The following SYNRG variants were observed in gnomAD, a reference collection of about 807,000 sequenced individuals.
SYNRG encodes synergin gamma.
Under a neutral mutation model 130.9 loss-of-function variants are expected in SYNRG, and 37 were observed. The ratio of observed to expected loss-of-function variants is 0.28; its 90% CI spans 0.22 to 0.37. The LOEUF (loss-of-function observed/expected upper bound fraction) is 0.37, where lower values mean the gene tolerates loss of function less well. SYNRG is among the 10% of genes least tolerant of loss of function. The pLI is 1.00. For synonymous variants in SYNRG, 539 were observed against 568.1 expected, an observed-to-expected ratio of 0.95 and a Z score of 0.73; for missense variants, 1,338 against 1,588.9, an observed-to-expected ratio of 0.84 and a Z score of 2.68.
At chr17:37,523,900 A>AGGATGTT (rs2055479406) in intron 19 of SYNRG, among the ~76,000 whole-genome samples, 1 of 152,254 alleles carries the variant, frequency 6.6e-6, no homozygotes, top group South Asian at 2.1e-4. Context: ...ACAGGAACAC[A>AGGATGTT]GTAAAAGAGA....
rs1289928870 is a variant in SYNRG, at chr17:37,540,365, A to T, written c.3366+15T>A. 3 of 1,611,990 alleles carry T rather than the reference A, an allele frequency of 1.9e-6. No individual in the cohort carries two copies. Among genetic ancestry groups the T allele is most frequent in the Non-Finnish European group, 2.5e-6 (3 of 1,179,402 alleles). On this transcript the variant is annotated intron_variant, in intron 16 of 21. Coordinates refer to ENST00000612223, the MANE Select transcript of SYNRG (RefSeq NM_007247.6). ...TGGTCTGTTACCCACCCCTTGTAGA[A>T]AGCTCTCCTCTCACCTCCACCTCTC...
chr17:37,597,962 C>G (rs2062923408), intron 2 of SYNRG, among the ~76,000 whole-genome samples: 1 of 152,092 alleles, frequency 6.6e-6, no homozygotes, highest in Non-Finnish European at 1.5e-5. Flanking sequence ...TTTTGTGTAC[C>G]TCCCAGGTTA....
At chr17:37,587,129 T>C (rs1390921949) in intron 3 of SYNRG, among the ~76,000 whole-genome samples, 1 of 152,092 alleles carries the variant, frequency 6.6e-6, no homozygotes, top group African/African-American at 2.4e-5. Flanking sequence ...AATAACACAA[T>C]AGCTAATCAC....
chr17:37,559,312 T>G (rs531376990), intron 13 of SYNRG, among the ~76,000 whole-genome samples: 1 of 152,280 alleles, frequency 6.6e-6, no homozygotes, highest in Admixed American at 6.5e-5. Context: ...ATATTTTCTT[T>G]CTAGATCATG....
At chr17:37,609,233 GC>G in intron 1 of SYNRG, 45 bp downstream of exon 1, 1 of 1,387,946 alleles carries the variant, frequency 7.2e-7, no homozygotes, top group Non-Finnish European at 9.3e-7. Flanking sequence ...GCCCCTCGCC[GC>G]CCCCGCGGAG....
rs1302749026 is a variant in SYNRG, at chr17:37,571,983, G to A, written c.906C>T (p.Ala302=). 1.2e-6 allele frequency: 2 copies of A among 1,609,500 alleles called. No homozygotes were observed. The highest frequency in any genetic ancestry group is 1.7e-5 in the Admixed American group (1 of 58,888). The change falls in exon 9 of 22, where the codon GCC becomes GCT. Residue 302 remains alanine (A), a synonymous_variant. Coordinates refer to ENST00000612223, the MANE Select transcript of SYNRG (RefSeq NM_007247.6). The stretch of plus-strand genomic sequence containing the variant: ...TTGTGGTTTCTAAGATTTTCTTATA[G>A]GCATCTATTAAAGGAAAGACCAGAT... ...WIYNESLVPD[A]YKKILETTMT... is the part of the protein sequence containing the mutation.
At chr17:37,549,119 G>C (rs934212500) in intron 14 of SYNRG, among the ~76,000 whole-genome samples, 1 of 102,804 alleles carries the variant, frequency 9.7e-6, no homozygotes, top group African/African-American at 3.8e-5. Flanking sequence ...TGGGCAACAA[G>C]AAACCTGGTC....
Position 37,553,259 on chromosome 17 carries a change from T to C in SYNRG, c.2464A>G (p.Ser822Gly). Residue 822 changes from serine to glycine, a missense_variant, in exon 14 of 22, where the codon AGT (serine) becomes GGT (glycine). Around this residue, in one of 3 missense-constraint regions of SYNRG, gnomAD observed 1,146 missense variants for 1,342.3 expected, o/e 0.85. Coordinates refer to ENST00000612223, the MANE Select transcript of SYNRG (RefSeq NM_007247.6). ...SLDLPSIGGS[S>G]VGKEDSEDAL... is the part of the protein sequence containing the mutation. ...TCTTCAGAGTCCTCCTTGCCAACAC[T>C]GCTGCCACCAATGGAAGGGAGATCT... is the stretch of plus-strand genomic sequence containing the variant. The C allele has an allele frequency of 6.2e-7, 1 of 1,613,938 alleles. No individual in the cohort carries two copies. Among genetic ancestry groups the C allele is most frequent in the Non-Finnish European group, 8.5e-7 (1 of 1,179,980 alleles).
At position 37,518,070 on chromosome 17, in the gene SYNRG, C is replaced by T. The variant is rs1163486242; in HGVS notation, c.*870G>A. ...TTCTCACAGATACTGCAAAGTCAGG[C>T]AGTGTTGGTCCCTATGCAGTCATCT... On this transcript the variant is annotated 3_prime_UTR_variant, in exon 22 of 22. Coordinates refer to ENST00000612223, the MANE Select transcript of SYNRG (RefSeq NM_007247.6). The T allele has an allele frequency of 6.6e-6, 1 of 152,188 alleles. No individual in the cohort carries two copies. Among genetic ancestry groups the T allele is most frequent in the Non-Finnish European group, 1.5e-5 (1 of 68,042 alleles). The allele number at this position is 152,188 out of a possible 1,614,324, so 9.4% of individuals were successfully genotyped here. A position where few individuals can be genotyped will look rare whatever the true frequency, so the allele number is the denominator to read the frequency against.
At chr17:37,600,467 A>G in intron 1 of SYNRG, 64 bp from the exon 2 acceptor site, 1 of 1,510,332 alleles carries the variant, frequency 6.6e-7, no homozygotes. Flanking sequence ...TAACACGTGT[A>G]CTTTTTTATA....
intron 11 of SYNRG, chr17:37,566,918 T>G (rs1442122761): frequency 6.6e-6 from 1 of 152,180 alleles, no homozygotes; most frequent in Non-Finnish European, 1.5e-5. Flanking sequence ...CATGAATAAT[T>G]GTCTTCAGAT....
chr17:37,609,325 C>T lies in SYNRG; in HGVS notation c.31G>A (p.Gly11Ser). The change falls in exon 1 of 22, where the codon GGC becomes AGC. Residue 11 changes from glycine to serine, a missense_variant. Gly to Ser is a moderately conservative substitution (Grantham distance 56). This residue lies in a region of SYNRG where 184 missense variants were observed against 217.2 expected (regional missense o/e 0.85). Coordinates refer to ENST00000612223, the MANE Select transcript of SYNRG (RefSeq NM_007247.6). MALRPGAGSG[G>S]GGAAGAGAGS... Reference sequence around the variant, plus strand: ...GCGCCAGCTCCCGCGGCCCCGCCGCCACCAGAACCAGCTCCTGGCCGCAGC... The same window carrying T: ...GCGCCAGCTCCCGCGGCCCCGCCGCTACCAGAACCAGCTCCTGGCCGCAGC... 6.8e-7 allele frequency: 1 copy of T among 1,469,986 alleles called. No homozygotes were observed. The highest frequency in any genetic ancestry group is 8.9e-7 in the Non-Finnish European group (1 of 1,117,458). 91.1% of individuals were successfully genotyped at this position (1,469,986 alleles called of 1,614,324 possible). A position where few individuals can be genotyped will look rare whatever the true frequency, so the allele number is the denominator to read the frequency against.
At chr17:37,578,226 G>C (rs572339293) in intron 6 of SYNRG, among the ~76,000 whole-genome samples, 48 of 152,014 alleles carry the variant, frequency 3.2e-4, no homozygotes, top group African/African-American at 1.2e-3. Flanking sequence ...AGCTACTTGG[G>C]AGGCTGAGGC....
chr17:37,526,600 G>C (rs907715502), intron 19 of SYNRG, among the ~76,000 whole-genome samples: 7 of 152,166 alleles, frequency 4.6e-5, no homozygotes, highest in Non-Finnish European at 1.0e-4. Flanking sequence ...TTCCTTCTAG[G>C]AGTTCTAGGG....
chr17:37,608,474 A>G (rs947533379), intron 1 of SYNRG, among the ~76,000 whole-genome samples: 1 of 152,248 alleles, frequency 6.6e-6, no homozygotes. Context: ...CTTAAATGAT[A>G]ACGAATCTGT....
chr17:37,587,387 T>C (rs759413754), intron 3 of SYNRG, among the ~76,000 whole-genome samples: 1 of 152,212 alleles, frequency 6.6e-6, no homozygotes, highest in Non-Finnish European at 1.5e-5. Flanking sequence ...AAAACTCTTC[T>C]ACTACTCAAC....
chr17:37,539,717 T>G (rs753981992), intron 16 of SYNRG, among the ~76,000 whole-genome samples: 56 of 152,208 alleles, frequency 3.7e-4, no homozygotes, highest in Non-Finnish European at 7.8e-4. Flanking sequence ...AAATTACTAA[T>G]AAATGTAACT....
intron 3 of SYNRG, among the ~76,000 whole-genome samples, chr17:37,587,620 C>T (rs1272554830): frequency 1.3e-5 from 2 of 152,208 alleles, no homozygotes; most frequent in Non-Finnish European, 2.9e-5. Context: ...TTCATGTCAT[C>T]TACTGACCCT....
Position 37,571,016 on chromosome 17 carries a change from T to G in SYNRG, c.1099-131A>C, listed in dbSNP as rs1346728485. Reference sequence around the variant, plus strand: ...ACTCCAACTCTCAAAACTCATGAATTTGATTTAAGAAAAAAAGTTACAAGG... The same window carrying G: ...ACTCCAACTCTCAAAACTCATGAATGTGATTTAAGAAAAAAAGTTACAAGG... On this transcript the variant is annotated intron_variant, in intron 9 of 21. Transcript: ENST00000612223. 2.4e-6 allele frequency: 3 copies of G among 1,245,362 alleles called. No individual in the cohort carries two copies. In the Admixed American group the frequency reaches 7.6e-5, roughly 32 times the overall value. 77.1% of individuals were successfully genotyped at this position (1,245,362 alleles called of 1,614,324 possible). A position where few individuals can be genotyped will look rare whatever the true frequency, so the allele number is the denominator to read the frequency against.
Sources: gnomAD v4.1 joint callset for allele counts (sites outside exome capture counted in the v4.1 genomes callset) on GRCh38, gnomAD v4.1.1 for gene constraint, gnomAD v4.1.1 regional missense constraint, MANE v1.5 for transcripts, NCBI Gene and HGNC (gene_info 2026-07-23, HGNC 2026-07-21) for gene names.